DPP6: variants seen among roughly 807,000 people sequenced by gnomAD.
The protein encoded by DPP6 is A-type potassium channel modulatory protein DPP6.
In DPP6, 69 loss-of-function variants were observed where a neutral mutation model predicts 122.6. That is an observed-to-expected ratio of 0.56 (90% CI 0.46 to 0.69). DPP6 has a LOEUF of 0.69. Among genes scored for constraint, DPP6 ranks in the 30% least tolerant of loss-of-function variants. The probability of loss-of-function intolerance (pLI) is 0.00; values close to 1 mark genes in which losing one functional copy is unlikely to be tolerated. For missense variants in DPP6, 928 were observed against 1,116.9 expected (o/e 0.83, Z 2.41); for synonymous variants, 418 against 433.1 (o/e 0.97, Z 0.43).
At chr7:154,345,134 C>T (rs569239041) in intron 1 of DPP6, among the ~76,000 whole-genome samples, 16 of 152,162 alleles carry the variant, frequency 1.1e-4, no homozygotes, top group South Asian at 4.1e-4. Context: ...GGCTGAAAGT[C>T]GAGGATGAGG....
At chr7:154,401,101 G>A (rs191915454) in intron 1 of DPP6, among the ~76,000 whole-genome samples, 61 of 152,090 alleles carry the variant, frequency 4.0e-4, no homozygotes, top group African/African-American at 1.4e-3. Context: ...GGAGGCTGAG[G>A]CAGGAGAATC....
chr7:154,173,469 C>T (rs1392010401), intron 1 of DPP6, among the ~76,000 whole-genome samples: 2 of 152,156 alleles, frequency 1.3e-5, no homozygotes, highest in African/African-American at 4.8e-5. Context: ...TCTGTTTTCC[C>T]TTTCACCCTA....
At chr7:154,644,957 C>T (rs191837668) in intron 6 of DPP6, among the ~76,000 whole-genome samples, 12 of 152,104 alleles carry the variant, frequency 7.9e-5, no homozygotes, top group Admixed American at 3.9e-4. Context: ...GCAATCCACC[C>T]GCCTTGGCCT....
At chr7:154,584,616 T>C (rs1365703061) in intron 5 of DPP6, among the ~76,000 whole-genome samples, 1 of 152,244 alleles carries the variant, frequency 6.6e-6, no homozygotes, top group East Asian at 1.9e-4. Context: ...GGGACGCCCA[T>C]CCTGGCAATG....
chr7:154,620,107 G>A (rs1406846457), intron 5 of DPP6, among the ~76,000 whole-genome samples: 1 of 152,206 alleles, frequency 6.6e-6, no homozygotes, highest in Non-Finnish European at 1.5e-5. Flanking sequence ...TGAAAGCTCT[G>A]CACAGACCCC....
At chr7:153,861,233 ATATT>A in the DPP6 span, among the ~76,000 whole-genome samples, 1 of 152,230 alleles carries the variant, frequency 6.6e-6, no homozygotes, top group Non-Finnish European at 1.5e-5. Context: ...AACCATAAAC[ATATT>A]TATAATTTAT....
intron 1 of DPP6, among the ~76,000 whole-genome samples, chr7:154,096,413 G>A (rs1437119099): frequency 1.6e-5 from 2 of 127,194 alleles, no homozygotes; most frequent in Non-Finnish European, 3.2e-5. Flanking sequence ...ATGGCAAGAG[G>A]TAAATGCCAA....
At chr7:153,898,575 A>G (rs1799508863) in intron 1 of DPP6, among the ~76,000 whole-genome samples, 2 of 152,228 alleles carry the variant, frequency 1.3e-5, no homozygotes, top group African/African-American at 4.8e-5. Flanking sequence ...TACCTCATAA[A>G]TATGTATAAT....
chr7:154,314,397 T>C (rs1363434826), intron 1 of DPP6, among the ~76,000 whole-genome samples: 1 of 152,254 alleles, frequency 6.6e-6, no homozygotes, highest in Non-Finnish European at 1.5e-5. Flanking sequence ...TCAGAGCTCA[T>C]GTCCCATTTT....
chr7:154,600,388 G>A lies in DPP6; in HGVS notation c.627+33472G>A, dbSNP rs943915515. On this transcript the variant is annotated intron_variant, in intron 5 of 25. Coordinates refer to ENST00000377770, the MANE Select transcript of DPP6 (RefSeq NM_130797.4). ...AGGTGATCCACCTGCCTTGGCCTCC[G>A]AAAGAGCTGGGATTACAGGCGTGAG... Among the ~76,000 whole-genome samples, 9 of 118,856 alleles carry A rather than the reference G, an allele frequency of 7.6e-5. 3 individuals carry two copies. Among genetic ancestry groups the A allele is most frequent in the Admixed American group, 2.8e-4 (3 of 10,636 alleles). 78.0% of individuals were successfully genotyped at this position (118,856 alleles called of 152,430 possible).
At chr7:153,869,377 T>A in the DPP6 span, among the ~76,000 whole-genome samples, 1 of 152,238 alleles carries the variant, frequency 6.6e-6, no homozygotes, top group Non-Finnish European at 1.5e-5. Flanking sequence ...TAGCTCTTCT[T>A]GTTGAATTAA....
chr7:154,810,267 G>T (rs1297170501), intron 16 of DPP6, among the ~76,000 whole-genome samples: 2 of 152,148 alleles, frequency 1.3e-5, no homozygotes, highest in African/African-American at 4.8e-5. Context: ...GCCTTTTATG[G>T]TTCAGTTTCC....
At chr7:154,421,315 C>CTTT (rs35388071) in intron 1 of DPP6, among the ~76,000 whole-genome samples, 2 of 140,856 alleles carry the variant, frequency 1.4e-5, no homozygotes, top group African/African-American at 5.1e-5. Context: ...ATGTCAGTTT[C>CTTT]TTTTTTTTTT....
At chr7:154,143,836 T>C (rs1346157527) in intron 1 of DPP6, among the ~76,000 whole-genome samples, 1 of 152,190 alleles carries the variant, frequency 6.6e-6, no homozygotes, top group South Asian at 2.1e-4. Context: ...TCTCCAATTA[T>C]ACGCAATAGC....
intron 1 of DPP6, among the ~76,000 whole-genome samples, chr7:154,313,751 A>C (rs13242595): frequency 0.043 from 1,950 of 45,138 alleles, 382 homozygotes; most frequent in South Asian, 0.077. Flanking sequence ...ACACACACAC[A>C]CCCTTACATA....
At chr7:154,888,472 A>G (rs1038397287) in intron 23 of DPP6, among the ~76,000 whole-genome samples, 15 of 152,192 alleles carry the variant, frequency 9.9e-5, no homozygotes, top group Non-Finnish European at 1.5e-5. Context: ...TGCAGCTGTC[A>G]GACACGGCAT....
intron 1 of DPP6, among the ~76,000 whole-genome samples, chr7:154,425,352 AAGCAT>A (rs1252842089): frequency 6.6e-6 from 1 of 152,214 alleles, no homozygotes; most frequent in Non-Finnish European, 1.5e-5. Flanking sequence ...GTAAATATCG[AAGCAT>A]AACTAAGGTT....
At chr7:154,804,052 G>A in intron 14 of DPP6, 97 bp downstream of exon 14, 1 of 1,442,446 alleles carries the variant, frequency 6.9e-7, no homozygotes, top group Non-Finnish European at 9.5e-7. Context: ...GAGCACAGGA[G>A]GCCTCCTCTT....
intron 4 of DPP6, among the ~76,000 whole-genome samples, chr7:154,559,859 C>T (rs1830297494): frequency 6.6e-6 from 1 of 151,042 alleles, no homozygotes; most frequent in Non-Finnish European, 1.5e-5. Context: ...CAGCTATGAT[C>T]ACACCACTGC....
Sources: allele counts gnomAD v4.1 joint callset (sites outside exome capture counted in the v4.1 genomes callset), GRCh38; gene constraint gnomAD v4.1.1; transcripts MANE v1.5; gene names NCBI Gene and HGNC (gene_info 2026-07-23, HGNC 2026-07-21).